COMMD1: variants seen among roughly 807,000 people sequenced by gnomAD.
COMMD1 encodes the protein COMM domain-containing protein 1.
In COMMD1, 10 loss-of-function variants were observed where a neutral mutation model predicts 17.2. The ratio of observed to expected loss-of-function variants is 0.58; its 90% CI spans 0.36 to 0.99. The LOEUF (loss-of-function observed/expected upper bound fraction) is 0.99, where lower values mean the gene tolerates loss of function less well. Among genes scored for constraint, COMMD1 ranks in the 50% least tolerant of loss-of-function variants. The pLI, the probability that COMMD1 is intolerant of heterozygous loss-of-function variation, is 0.01. For synonymous variants in COMMD1, 97 were observed against 91.6 expected, an observed-to-expected ratio of 1.06 and a Z score of -0.34; for missense variants, 270 against 231.8, an observed-to-expected ratio of 1.17 and a Z score of -1.07.
chr2:62,106,888 A>G (rs1672338379), intron 2 of COMMD1, among the ~76,000 whole-genome samples: 1 of 152,208 alleles, frequency 6.6e-6, no homozygotes, highest in African/African-American at 2.4e-5. Flanking sequence ...GAAAAATATT[A>G]ATCTACATGC....
At chr2:61,919,161 G>T (rs1037188226) in intron 1 of COMMD1, among the ~76,000 whole-genome samples, 1 of 151,786 alleles carries the variant, frequency 6.6e-6, no homozygotes, top group Admixed American at 6.6e-5. Flanking sequence ...ACAGGCATGC[G>T]CCACCATGCC....
intron 1 of COMMD1, among the ~76,000 whole-genome samples, chr2:61,957,115 T>TGTGTGG (rs1553372447): frequency 6.6e-6 from 1 of 151,532 alleles, no homozygotes; most frequent in African/African-American, 2.4e-5. Context: ...TGTGTGTGTG[T>TGTGTGG]GTGTGTAAAA....
intron 1 of COMMD1, among the ~76,000 whole-genome samples, chr2:61,921,698 C>T (rs904975651): frequency 6.6e-6 from 1 of 152,154 alleles, no homozygotes; most frequent in African/African-American, 2.4e-5. Flanking sequence ...CCGCCTTGGC[C>T]TCCCAAAGTG....
intron 2 of COMMD1, among the ~76,000 whole-genome samples, chr2:62,041,716 C>T (rs1402025145): frequency 6.6e-6 from 1 of 152,144 alleles, no homozygotes; most frequent in Admixed American, 6.5e-5. Flanking sequence ...AAGCCGCGGA[C>T]CCTCACGGGT....
chr2:62,130,153 T>TC (rs1415479526), intron 2 of COMMD1, among the ~76,000 whole-genome samples: 2 of 116,856 alleles, frequency 1.7e-5, no homozygotes, highest in African/African-American at 7.9e-5. Context: ...AGACTCTGTC[T>TC]CAAAAAAAAA....
At chr2:61,921,257 A>C (rs576419614) in intron 1 of COMMD1, among the ~76,000 whole-genome samples, 2 of 152,282 alleles carry the variant, frequency 1.3e-5, no homozygotes, top group Admixed American at 6.5e-5. Context: ...GGTGTGAGCT[A>C]ACATGCCTGG....
At chr2:62,079,380 A>T (rs1008306338) in intron 2 of COMMD1, among the ~76,000 whole-genome samples, 1 of 152,188 alleles carries the variant, frequency 6.6e-6, no homozygotes, top group Non-Finnish European at 1.5e-5. Context: ...GCAAGAATCA[A>T]TATTATTATC....
Position 62,117,786 on chromosome 2 carries a change from A to G in COMMD1, c.463-18045A>G, listed in dbSNP as rs184888772. Among the ~76,000 whole-genome samples the G allele has an allele frequency of 1.2e-4, 18 of 152,112 alleles. No homozygotes were observed. The East Asian group carries it at 3.1e-3, about 26-fold the overall frequency. On this transcript the variant is annotated intron_variant, in intron 2 of 2. Transcript: ENST00000311832. The stretch of plus-strand genomic sequence containing the variant: ...TCCGATTTGTCAGACTTTTCCCACA[A>G]TCTCTCCTACTTCTGTCTTCCATGC...
chr2:62,086,286 G>C (rs1671666807), intron 2 of COMMD1, among the ~76,000 whole-genome samples: 1 of 152,138 alleles, frequency 6.6e-6, no homozygotes, highest in Non-Finnish European at 1.5e-5. Flanking sequence ...GAGGCGGGCG[G>C]ATCACGAGGT....
intron 2 of COMMD1, among the ~76,000 whole-genome samples, chr2:62,044,159 C>G (rs1670314728): frequency 6.6e-6 from 1 of 152,082 alleles, no homozygotes; most frequent in African/African-American, 2.4e-5. Flanking sequence ...TAATTGAATT[C>G]CAAAACCCTT....
chr2:62,125,561 T>C (rs1352946471), intron 2 of COMMD1, among the ~76,000 whole-genome samples: 1 of 152,136 alleles, frequency 6.6e-6, no homozygotes, highest in Non-Finnish European at 1.5e-5. Flanking sequence ...ATAAAAATGG[T>C]CTGAATAAGG....
At chr2:62,010,933 C>G (rs1002148690) in intron 2 of COMMD1, among the ~76,000 whole-genome samples, 1 of 152,170 alleles carries the variant, frequency 6.6e-6, no homozygotes, top group Non-Finnish European at 1.5e-5. Flanking sequence ...CCAGTTCACT[C>G]CAGTGGCTTT....
intron 2 of COMMD1, among the ~76,000 whole-genome samples, chr2:62,040,230 C>A (rs10171696): frequency 6.6e-6 from 1 of 151,926 alleles, no homozygotes; most frequent in Middle Eastern, 3.2e-3. Flanking sequence ...CTCCAGCCTA[C>A]GTGACAGAGT....
At chr2:61,979,082 A>G (rs1305037089) in intron 1 of COMMD1, among the ~76,000 whole-genome samples, 2 of 152,096 alleles carry the variant, frequency 1.3e-5, no homozygotes, top group Admixed American at 6.6e-5. Context: ...TTTTGTACCC[A>G]TTAGTGATCC....
intron 2 of COMMD1, among the ~76,000 whole-genome samples, chr2:62,039,649 A>G (rs1368766821): frequency 6.6e-6 from 1 of 152,220 alleles, no homozygotes; most frequent in Non-Finnish European, 1.5e-5. Context: ...GGAAAGCACA[A>G]TTCTGTCTGA....
At chr2:62,009,320 T>C (rs1001596184) in intron 2 of COMMD1, among the ~76,000 whole-genome samples, 2 of 151,956 alleles carry the variant, frequency 1.3e-5, no homozygotes, top group Non-Finnish European at 2.9e-5. Flanking sequence ...AAAGAAAGAA[T>C]AAGACTGGGC....
chr2:61,966,881 T>C (rs1671518296), intron 1 of COMMD1, among the ~76,000 whole-genome samples: 1 of 152,116 alleles, frequency 6.6e-6, no homozygotes. Context: ...CTTCTATTTA[T>C]CTAAGAAGAC....
chr2:61,889,734 A>G (rs1669376932), intron 1 of COMMD1, among the ~76,000 whole-genome samples: 1 of 152,164 alleles, frequency 6.6e-6, no homozygotes, highest in Admixed American at 6.5e-5. Flanking sequence ...GGTTTGACAG[A>G]CTGCCAAATC....
chr2:62,044,849 A>AG (rs1264662866), intron 2 of COMMD1, among the ~76,000 whole-genome samples: 3 of 152,110 alleles, frequency 2.0e-5, no homozygotes, highest in Non-Finnish European at 4.4e-5. Flanking sequence ...AAAAAAAAAA[A>AG]AAAAAAAGAC....
Sources: allele counts gnomAD v4.1 joint callset (sites outside exome capture counted in the v4.1 genomes callset), GRCh38; gene constraint gnomAD v4.1.1; transcripts MANE v1.5; gene names NCBI Gene and HGNC (gene_info 2026-07-23, HGNC 2026-07-21).